The following UBAC2 variants were observed in gnomAD, a reference collection of about 807,000 sequenced individuals.
UBAC2 encodes ubiquitin-associated domain-containing protein 2.
Under a neutral mutation model 44.0 loss-of-function variants are expected in UBAC2, and 26 were observed. The observed-to-expected ratio is 0.59, with a 90% CI of 0.43 to 0.82. The LOEUF (loss-of-function observed/expected upper bound fraction) is 0.82, where lower values mean the gene tolerates loss of function less well. Among genes scored for constraint, UBAC2 ranks in the 40% least tolerant of loss-of-function variants. The pLI is 0.00. For synonymous variants in UBAC2, 155 were observed against 154.3 expected (o/e 1.00, Z -0.04); for missense variants, 329 against 419.4 (o/e 0.78, Z 1.88).
At chr13:99,268,983 G>A (rs545357684) in intron 4 of UBAC2, among the ~76,000 whole-genome samples, 21 of 152,166 alleles carry the variant, frequency 1.4e-4, no homozygotes, top group Non-Finnish European at 2.6e-4. Context: ...GTTAAATAAG[G>A]GGGGAATGGC....
rs2045351869 is a variant in UBAC2, at chr13:99,367,854, G to T, written c.875G>T (p.Gly292Val). Reference protein sequence around the residue: ...LRQRQNVNYQGGRQSEPAAPP... With the variant: ...LRQRQNVNYQVGRQSEPAAPP... ...CAGCGACAAAACGTAAACTATCAGG[G>T]CGGTCGGCAGTCTGAGCCAGCAGCG... is the stretch of plus-strand genomic sequence containing the variant. Residue 292 changes from glycine (G) to valine (V), a missense_variant, in exon 8 of 9, where the codon GGC (glycine) becomes GTC (valine). Transcript: ENST00000403766. 6.2e-7 allele frequency: 1 copy of T among 1,613,778 alleles called. No homozygotes were observed. Among genetic ancestry groups the T allele is most frequent in the Admixed American group, 1.7e-5 (1 of 59,986 alleles).
At position 99,206,944 on chromosome 13, in the gene UBAC2, C is replaced by T. The variant is rs74809430; in HGVS notation, c.31+6005C>T. Among the ~76,000 whole-genome samples the T allele has an allele frequency of 9.2e-3, 1,396 of 152,340 alleles. 19 individuals are homozygous for T. Among genetic ancestry groups the T allele is most frequent in the African/African-American group, 0.032 (1,311 of 41,576 alleles). On this transcript the variant is annotated intron_variant, in intron 1 of 8. Transcript: ENST00000403766. The stretch of plus-strand genomic sequence containing the variant: ...GTCCACACTCAGCTTTGTTCCTTTC[C>T]TCCAATCCAGAAGAATGAAGCAGCC...
At chr13:99,224,747 T>G (rs1358242357) in intron 1 of UBAC2, among the ~76,000 whole-genome samples, 1 of 152,254 alleles carries the variant, frequency 6.6e-6, no homozygotes, top group Non-Finnish European at 1.5e-5. Flanking sequence ...TTTTTAAAAA[T>G]GCATTTCAAA....
chr13:99,365,016 A>C (rs2045312427), intron 7 of UBAC2, among the ~76,000 whole-genome samples: 1 of 152,206 alleles, frequency 6.6e-6, no homozygotes, highest in Non-Finnish European at 1.5e-5. Flanking sequence ...GGTCCTGAAC[A>C]ATTTTAAAAG....
intron 5 of UBAC2, 94 bp downstream of exon 5, chr13:99,314,314 T>G (rs2044458172): frequency 7.2e-7 from 1 of 1,397,794 alleles, no homozygotes; most frequent in Admixed American, 2.7e-5. Context: ...TTGAAAACAA[T>G]GGTTTTTTTC....
At chr13:99,298,127 C>T (rs1438801269) in intron 4 of UBAC2, among the ~76,000 whole-genome samples, 1 of 152,054 alleles carries the variant, frequency 6.6e-6, no homozygotes, top group African/African-American at 2.4e-5. Context: ...GGTGGGAGAT[C>T]TTAACACATT....
In UBAC2 at chr13:99,295,763, T is replaced by TCAATA; in HGVS notation, c.390-18332_390-18328dup. ...AGGGTGCACCACAGCAATGAAGCGG[T>TCAATA]CAATACTCAGGCAGGTCATAAAGTT... On this transcript the variant is annotated intron_variant, in intron 4 of 8. Transcript: ENST00000403766. The surrounding 1 kb of genome is among the most constrained non-coding windows in gnomAD (Gnocchi z 4.1). 6.2e-7 allele frequency: 1 copy of TCAATA among 1,614,090 alleles called. No homozygotes were observed. Among genetic ancestry groups the TCAATA allele is most frequent in the Non-Finnish European group, 8.5e-7 (1 of 1,180,006 alleles).
intron 1 of UBAC2, among the ~76,000 whole-genome samples, chr13:99,236,749 C>T (rs2043237755): frequency 6.6e-6 from 1 of 152,118 alleles, no homozygotes; most frequent in South Asian, 2.1e-4. Context: ...ACTTGGTAGG[C>T]TGAGGCAGGA....
intron 4 of UBAC2, chr13:99,254,775 C>A: frequency 2.4e-6 from 2 of 827,342 alleles, no homozygotes; most frequent in Non-Finnish European, 3.7e-6. Context: ...TTTATTTTTT[C>A]AAGAGAAAAG....
chr13:99,334,751 A>C (rs2138816204), intron 6 of UBAC2, among the ~76,000 whole-genome samples: 1 of 152,364 alleles, frequency 6.6e-6, no homozygotes, highest in Non-Finnish European at 1.5e-5. Context: ...AGACAGACAG[A>C]AACCAAATTG....
chr13:99,276,694 T>G (rs1034909145), intron 4 of UBAC2, among the ~76,000 whole-genome samples: 4 of 152,200 alleles, frequency 2.6e-5, no homozygotes, highest in African/African-American at 9.6e-5. Context: ...CTCTAGTCAC[T>G]TGGTCTTCCT....
At chr13:99,267,384 T>C (rs1380560244) in intron 4 of UBAC2, among the ~76,000 whole-genome samples, 1 of 152,234 alleles carries the variant, frequency 6.6e-6, no homozygotes, top group Non-Finnish European at 1.5e-5. Context: ...TGCTCATTTA[T>C]CATATTTTGA....
At chr13:99,363,802 A>C (rs1463803823) in intron 7 of UBAC2, among the ~76,000 whole-genome samples, 1 of 152,222 alleles carries the variant, frequency 6.6e-6, no homozygotes, top group Non-Finnish European at 1.5e-5. Context: ...AGTCTGCTAG[A>C]CTGGAGTTGG....
chr13:99,208,561 T>C (rs938161372), intron 1 of UBAC2, among the ~76,000 whole-genome samples: 1 of 152,232 alleles, frequency 6.6e-6, no homozygotes, highest in African/African-American at 2.4e-5. Context: ...ATATTAACAC[T>C]TCAGTCTTCA....
intron 8 of UBAC2, among the ~76,000 whole-genome samples, chr13:99,378,553 C>G (rs976602234): frequency 6.6e-6 from 1 of 152,118 alleles, no homozygotes; most frequent in East Asian, 1.9e-4. Flanking sequence ...ATAAAAACTT[C>G]AATATCCACT....
intron 4 of UBAC2, among the ~76,000 whole-genome samples, chr13:99,260,279 CAT>C (rs2043640722): frequency 1.3e-5 from 2 of 152,200 alleles, no homozygotes; most frequent in South Asian, 4.1e-4. Flanking sequence ...ATTGTTACTG[CAT>C]ATTTACTTGC....
intron 6 of UBAC2, among the ~76,000 whole-genome samples, chr13:99,324,435 C>T (rs1365170087): frequency 6.6e-6 from 1 of 152,204 alleles, no homozygotes; most frequent in African/African-American, 2.4e-5. Context: ...CGGAGAGGGG[C>T]AGCTCCTCAG....
At chr13:99,383,632 G>A (rs1163204487) in intron 8 of UBAC2, among the ~76,000 whole-genome samples, 2 of 152,374 alleles carry the variant, frequency 1.3e-5, no homozygotes, top group East Asian at 1.9e-4. Flanking sequence ...AGGGCTGTGC[G>A]TCAGTCCCCG....
At chr13:99,308,078 C>G (rs2044362552) in intron 4 of UBAC2, 1 of 152,216 alleles carries the variant, frequency 6.6e-6, no homozygotes, top group African/African-American at 2.4e-5. Flanking sequence ...ATGCCATTCA[C>G]CTCATAGTTG....
Sources: allele counts gnomAD v4.1 joint callset (sites outside exome capture counted in the v4.1 genomes callset), GRCh38; gene constraint gnomAD v4.1.1; non-coding constraint Gnocchi (gnomAD v3.1); transcripts MANE v1.5; gene names NCBI Gene and HGNC (gene_info 2026-07-23, HGNC 2026-07-21).